TBX21: variants seen among roughly 807,000 people sequenced by gnomAD.
TBX21 encodes the protein T-box transcription factor 21, also known as T-box transcription factor TBX21.
In TBX21, 11 loss-of-function variants were observed where a neutral mutation model predicts 52.2. The observed-to-expected ratio is 0.21, with a 90% CI of 0.13 to 0.35. TBX21 has a LOEUF of 0.35. Ranked by LOEUF, TBX21 falls within the 10% of genes least tolerant of loss-of-function variation. The pLI is 1.00. For missense variants in TBX21, 625 were observed against 755.1 expected (o/e 0.83, Z 2.02); for synonymous variants, 300 against 316.1 (o/e 0.95, Z 0.54).
rs374617460 is a variant in TBX21 at position 47,744,946 on chromosome 17, G to A, written c.1188G>A (p.Glu396=). Residue 396 remains glutamate, a synonymous_variant, in exon 6 of 6, where the codon GAG becomes GAA. Coordinates refer to ENST00000177694, the MANE Select transcript of TBX21 (RefSeq NM_013351.2). Reference sequence around the variant, plus strand: ...GGGCCCCCCGGGACCACAGCTATGAGGCTGAGTTTCGAGCAGTCAGCATGA... The same window carrying A: ...GGGCCCCCCGGGACCACAGCTATGAAGCTGAGTTTCGAGCAGTCAGCATGA... The part of the protein sequence containing the change: ...WLGAPRDHSY[E]AEFRAVSMKP... 1.2e-5 allele frequency: 19 copies of A among 1,614,034 alleles called. No individual in the cohort carries two copies. Among genetic ancestry groups the A allele is most frequent in the Non-Finnish European group, 1.6e-5 (19 of 1,180,024 alleles).
At chr17:47,740,606 C>T (rs1474859875) in intron 1 of TBX21, among the ~76,000 whole-genome samples, 1 of 152,120 alleles carries the variant, frequency 6.6e-6, no homozygotes, top group Non-Finnish European at 1.5e-5. Flanking sequence ...TGGCACATGC[C>T]TGTAGTCCCA....
At chr17:47,734,073 G>C in intron 1 of TBX21, 128 bp downstream of exon 1, 1 of 1,483,868 alleles carries the variant, frequency 6.7e-7, no homozygotes, top group Non-Finnish European at 9.2e-7. Context: ...AGCGTAGGGA[G>C]ACAGGGGAAT....
rs1243227961 is a variant in TBX21, at chr17:47,733,793, G to A, written c.339G>A (p.Pro113=). 1.3e-6 allele frequency: 2 copies of A among 1,564,474 alleles called. No individual in the cohort carries two copies. Among genetic ancestry groups the A allele is most frequent in the African/African-American group, 1.4e-5 (1 of 73,204 alleles). The part of the protein sequence containing the change: ...QPGEGYAAPD[P]RAGLYPGPRE... ...GCGAGGGCTACGCCGCCCCGGACCC[G>A]CGCGCCGGGCTCTACCCGGGGCCGC... Residue 113 remains proline, a synonymous_variant, in exon 1 of 6, where the codon CCG becomes CCA. Coordinates refer to ENST00000177694, the MANE Select transcript of TBX21 (RefSeq NM_013351.2). The surrounding 1 kb of genome is among the most constrained non-coding windows in gnomAD (Gnocchi z 6.6).
rs2032168168 is a variant in TBX21 at position 47,733,662 on chromosome 17, C to G, written c.208C>G (p.Arg70Gly). Residue 70 changes from arginine to glycine, a missense_variant, in exon 1 of 6, where the codon CGC becomes GGC. By Grantham distance (125) the Arg-to-Gly change is moderately radical. Transcript: ENST00000177694. This position sits in a 1 kb window ranked among gnomAD's most constrained non-coding sequence, Gnocchi z 6.6. ...GGALVPAPPS[R>G]FLGAYAYPPR... ...CGCCTTGGTGCCCGCCCCGCCGAGC[C>G]GCTTCCTTGGAGCCTACGCCTACCC... is the stretch of plus-strand genomic sequence containing the variant. 6.9e-7 allele frequency: 1 copy of G among 1,454,688 alleles called. No homozygotes were observed. Among genetic ancestry groups the G allele is most frequent in the African/African-American group, 1.5e-5 (1 of 67,574 alleles). 90.1% of individuals were successfully genotyped at this position (1,454,688 alleles called of 1,614,324 possible).
In TBX21 at chr17:47,742,597, C is replaced by G; in HGVS notation, c.492-13C>G. 1 of 1,591,252 alleles carries G rather than the reference C, an allele frequency of 6.3e-7. No individual in the cohort carries two copies. Among genetic ancestry groups the G allele is most frequent in the Non-Finnish European group, 8.6e-7 (1 of 1,166,064 alleles). ...AGCTGATGGGTGCTGGGGGCTTTCT[C>G]TCTTCTCTCCAGGCGGATGTTCCCA... On this transcript the variant is annotated splice_polypyrimidine_tract_variant and intron_variant, in intron 1 of 5. Coordinates refer to ENST00000177694, the MANE Select transcript of TBX21 (RefSeq NM_013351.2). This position sits in a 1 kb window ranked among gnomAD's most constrained non-coding sequence, Gnocchi z 4.4.
At chr17:47,739,513 C>T (rs570042979) in intron 1 of TBX21, among the ~76,000 whole-genome samples, 40 of 152,072 alleles carry the variant, frequency 2.6e-4, no homozygotes, top group Non-Finnish European at 5.6e-4. Context: ...AATCCCAGCA[C>T]TTTGGGAGGT....
chr17:47,741,006 A>G (rs2032262341), intron 1 of TBX21, among the ~76,000 whole-genome samples: 2 of 152,026 alleles, frequency 1.3e-5, no homozygotes, highest in South Asian at 2.1e-4. Flanking sequence ...TCATGAGAGG[A>G]GGGGGAAGTG....
chr17:47,739,587 C>T (rs1597983849), intron 1 of TBX21, among the ~76,000 whole-genome samples: 1 of 151,986 alleles, frequency 6.6e-6, no homozygotes, highest in Admixed American at 6.6e-5. Context: ...GGTGAAACCC[C>T]GTCTCTACTA....
Position 47,742,736 on chromosome 17 carries a change from G to A in TBX21, c.618G>A (p.Gln206=). 6.3e-7 allele frequency: 1 copy of A among 1,581,134 alleles called. No individual in the cohort carries two copies. Among genetic ancestry groups the A allele is most frequent in the East Asian group, 2.3e-5 (1 of 43,650 alleles). The change falls in exon 2 of 6, where the codon CAG becomes CAA. Residue 206 remains glutamine (Q), a synonymous_variant. Coordinates refer to ENST00000177694, the MANE Select transcript of TBX21 (RefSeq NM_013351.2). The surrounding 1 kb of genome is among the most constrained non-coding windows in gnomAD (Gnocchi z 4.4). ...GGTACCAGAGCGGCAAGTGGGTGCA[G>A]TGTGGAAAGGCCGAGGGCAGCATGC... ...HWRYQSGKWV[Q]CGKAEGSMPG...
At chr17:47,736,853 T>G (rs2143424304) in intron 1 of TBX21, among the ~76,000 whole-genome samples, 1 of 152,254 alleles carries the variant, frequency 6.6e-6, no homozygotes, top group South Asian at 2.1e-4. Flanking sequence ...ATGACCTTCT[T>G]CCTTTTTGAA....
At position 47,743,117 on chromosome 17, in the gene TBX21, C is replaced by G; in HGVS notation, c.693C>G (p.His231Gln). ...VHPDSPNTGA[H>Q]WMRQEVSFGK... Reference sequence around the variant, plus strand: ...CGGACTCCCCCAACACAGGAGCGCACTGGATGCGCCAGGAAGTTTCATTTG... The same window carrying G: ...CGGACTCCCCCAACACAGGAGCGCAGTGGATGCGCCAGGAAGTTTCATTTG... The change falls in exon 3 of 6, where the codon CAC (histidine) becomes CAG (glutamine). Residue 231 changes from histidine (H) to glutamine (Q), a missense_variant. By Grantham distance (24) the His-to-Gln change is conservative. This residue lies in a region of TBX21 where 142 missense variants were observed against 258.5 expected (regional missense o/e 0.55). Coordinates refer to ENST00000177694, the MANE Select transcript of TBX21 (RefSeq NM_013351.2). 1 of 1,614,196 alleles carries G rather than the reference C, an allele frequency of 6.2e-7. No homozygotes were observed. The highest frequency in any genetic ancestry group is 1.1e-5 in the South Asian group (1 of 91,088).
In TBX21 at chr17:47,742,009, G is replaced by C. The variant is rs538529874; in HGVS notation, c.492-601G>C. ...AGCTGCGATAGACGGAAGTAACCTC[G>C]ACAGTGCAGACAATAGTAAAACGTA... On this transcript the variant is annotated intron_variant, in intron 1 of 5. Transcript: ENST00000177694. The surrounding 1 kb of genome is among the most constrained non-coding windows in gnomAD (Gnocchi z 4.4). 2.0e-5 allele frequency among the ~76,000 whole-genome samples: 3 copies of C among 151,888 alleles called. No individual in the cohort carries two copies. Among genetic ancestry groups the C allele is most frequent in the Non-Finnish European group, 4.4e-5 (3 of 68,004 alleles).
chr17:47,743,344 A>C (rs2032289294), intron 3 of TBX21, 152 bp downstream of exon 3: 7 of 1,091,644 alleles, frequency 6.4e-6, no homozygotes, highest in Non-Finnish European at 8.9e-6. Context: ...TCCTAAACGA[A>C]GGGTCATTTT....
intron 1 of TBX21, among the ~76,000 whole-genome samples, chr17:47,735,743 C>A (rs945947035): frequency 1.3e-5 from 2 of 152,226 alleles, no homozygotes; most frequent in East Asian, 1.9e-4. Flanking sequence ...AAGCAGTCTC[C>A]CCATTTTACA....
rs142308372 is a variant in TBX21 at position 47,745,228 on chromosome 17, A to T, written c.1470A>T (p.Ser490=). Reference sequence around the variant, plus strand: ...CCATCCGGCCGGAATCCAGTGATTCAGGACTGGGCGAAGGAGACTCTAAGA... The same window carrying T: ...CCATCCGGCCGGAATCCAGTGATTCTGGACTGGGCGAAGGAGACTCTAAGA... ...IAPIRPESSD[S]GLGEGDSKRR... Residue 490 remains serine (S), a synonymous_variant, in exon 6 of 6, where the codon TCA becomes TCT. Coordinates refer to ENST00000177694, the MANE Select transcript of TBX21 (RefSeq NM_013351.2). The T allele has an allele frequency of 6.2e-6, 10 of 1,614,226 alleles. No homozygotes were observed. Among genetic ancestry groups the T allele is most frequent in the Non-Finnish European group, 8.5e-6 (10 of 1,180,036 alleles).
intron 1 of TBX21, among the ~76,000 whole-genome samples, chr17:47,740,329 A>G (rs1452446146): frequency 6.6e-6 from 1 of 152,128 alleles, no homozygotes; most frequent in South Asian, 2.1e-4. Context: ...CGGCCTCACA[A>G]AGTGCTGGGA....
In TBX21 at chr17:47,733,774, G is replaced by C. The variant is rs1398253926; in HGVS notation, c.320G>C (p.Gly107Ala). The C allele has an allele frequency of 2.0e-6, 3 of 1,535,600 alleles. No individual in the cohort carries two copies. The highest frequency in any genetic ancestry group is 2.1e-5 in the Admixed American group (1 of 48,506). The change falls in exon 1 of 6, where the codon GGC becomes GCC. Residue 107 changes from glycine (G) to alanine (A), a missense_variant. By Grantham distance (60) the Gly-to-Ala change is moderately conservative. Transcript: ENST00000177694. This position sits in a 1 kb window ranked among gnomAD's most constrained non-coding sequence, Gnocchi z 6.6. ...GCCGAGGGCTACCAGCCGGGCGAGG[G>C]CTACGCCGCCCCGGACCCGCGCGCC... ...ADAEGYQPGE[G>A]YAAPDPRAGL...
chr17:47,739,903 TA>T (rs975319115), intron 1 of TBX21, among the ~76,000 whole-genome samples: 2 of 148,922 alleles, frequency 1.3e-5, no homozygotes, highest in Admixed American at 1.3e-4. Flanking sequence ...AGACTCTGTC[TA>T]AAAAAAAAGA....
At chr17:47,735,103 G>A (rs2032193505) in intron 1 of TBX21, among the ~76,000 whole-genome samples, 1 of 152,046 alleles carries the variant, frequency 6.6e-6, no homozygotes, top group Admixed American at 6.5e-5. Context: ...GGTGGACCTG[G>A]GATGCTGGGT....
Sources: allele counts gnomAD v4.1 joint callset (sites outside exome capture counted in the v4.1 genomes callset), GRCh38; gene constraint gnomAD v4.1.1; regional missense constraint gnomAD v4.1.1; non-coding constraint Gnocchi (gnomAD v3.1); transcripts MANE v1.5; gene names NCBI Gene and HGNC (gene_info 2026-07-23, HGNC 2026-07-21).